CCNYL1: variants seen among roughly 807,000 people sequenced by gnomAD.
CCNYL1 encodes the protein cyclin-Y-like protein 1.
In CCNYL1, 16 loss-of-function variants were observed where a neutral mutation model predicts 44.2. The observed-to-expected ratio is 0.36, with a 90% CI of 0.25 to 0.55. The LOEUF is 0.55. Among genes scored for constraint, CCNYL1 ranks in the 20% least tolerant of loss-of-function variants. The pLI is 0.85. For missense variants in CCNYL1, 348 were observed against 451.8 expected (o/e 0.77, Z 2.08); for synonymous variants, 159 against 163.2 (o/e 0.97, Z 0.20).
In CCNYL1 at chr2:207,755,593, T is replaced by G. The variant is rs2091926419; in HGVS notation, c.*1895T>G. The G allele has an allele frequency of 6.6e-6, 1 of 152,232 alleles. No homozygotes were observed. Among genetic ancestry groups the G allele is most frequent in the African/African-American group, 2.4e-5 (1 of 41,452 alleles). The allele number at this position is 152,232 out of a possible 1,614,324, so 9.4% of individuals were successfully genotyped here. On this transcript the variant is annotated 3_prime_UTR_variant, in exon 10 of 10. Coordinates refer to ENST00000295414, the MANE Select transcript of CCNYL1 (RefSeq NM_001330218.2). ...TTTAAAGGAAGATTTTGAAGAGCAG[T>G]GTTAATTAACATGTAATAAAAGGAA...
At chr2:207,742,900 T>A (rs1415456065) in intron 7 of CCNYL1, among the ~76,000 whole-genome samples, 1 of 152,246 alleles carries the variant, frequency 6.6e-6, no homozygotes, top group Non-Finnish European at 1.5e-5. Flanking sequence ...CTTTGCTGAT[T>A]AGCTTACTAA....
intron 3 of CCNYL1, among the ~76,000 whole-genome samples, chr2:207,729,767 G>T (rs1396622676): frequency 1.3e-5 from 2 of 151,654 alleles, no homozygotes; most frequent in African/African-American, 4.9e-5. Flanking sequence ...GTGCAGTGGC[G>T]TGATCTCAGC....
chr2:207,718,058 C>T (rs962279201), intron 1 of CCNYL1, among the ~76,000 whole-genome samples: 2 of 151,822 alleles, frequency 1.3e-5, no homozygotes, highest in African/African-American at 4.8e-5. Context: ...GCACGTGCCA[C>T]CACACCCGGC....
At chr2:207,720,526 A>C (rs2091633029) in intron 1 of CCNYL1, among the ~76,000 whole-genome samples, 1 of 151,938 alleles carries the variant, frequency 6.6e-6, no homozygotes, top group South Asian at 2.1e-4. Flanking sequence ...CTGCCACTTC[A>C]GCCTCCCAAA....
At chr2:207,743,873 A>T (rs1047441347) in intron 7 of CCNYL1, among the ~76,000 whole-genome samples, 1 of 152,088 alleles carries the variant, frequency 6.6e-6, no homozygotes, top group African/African-American at 2.4e-5. Context: ...GAGTCTAGCT[A>T]TGTTGCCCAG....
At position 207,744,524 on chromosome 2, in the gene CCNYL1, C is replaced by G. The variant is rs111639523; in HGVS notation, c.639+2182C>G. Among the ~76,000 whole-genome samples, 69 of 148,208 alleles carry G rather than the reference C, an allele frequency of 4.7e-4. 1 individual carries two copies. The highest frequency in any genetic ancestry group is 1.7e-3 in the African/African-American group (67 of 38,734). On this transcript the variant is annotated intron_variant, in intron 7 of 9. Coordinates refer to ENST00000295414, the MANE Select transcript of CCNYL1 (RefSeq NM_001330218.2). ...CTGGGCTTACCAGTGCCCGTCACCA[C>G]GCCTAATTTTTTTTTTTTTTTTTTA...
chr2:207,750,664 T>C (rs1199281918), intron 8 of CCNYL1: 7 of 268,410 alleles, frequency 2.6e-5, no homozygotes, highest in Non-Finnish European at 4.9e-5. Context: ...GCGTGAAGTA[T>C]GAATTGTACA....
At chr2:207,733,485 G>A (rs1478002868) in intron 3 of CCNYL1, among the ~76,000 whole-genome samples, 1 of 152,172 alleles carries the variant, frequency 6.6e-6, no homozygotes, top group Non-Finnish European at 1.5e-5. Flanking sequence ...ACTGTCTCCT[G>A]AACTAATACG....
chr2:207,741,455 T>C (rs1233865372), intron 6 of CCNYL1, among the ~76,000 whole-genome samples: 1 of 152,204 alleles, frequency 6.6e-6, no homozygotes, highest in Non-Finnish European at 1.5e-5. Flanking sequence ...TATTTTAAGA[T>C]CCAATTGTTT....
Position 207,732,985 on chromosome 2 carries a change from C to T in CCNYL1, c.331-962C>T, listed in dbSNP as rs375132714. 2.2e-4 allele frequency among the ~76,000 whole-genome samples: 34 copies of T among 152,254 alleles called. 1 individual carries two copies. In the East Asian group the frequency reaches 4.1e-3, roughly 18 times the overall value. On this transcript the variant is annotated intron_variant, in intron 3 of 9. Coordinates refer to ENST00000295414, the MANE Select transcript of CCNYL1 (RefSeq NM_001330218.2). ...ATGAGGAGGAAGAGTCCTTCCTTCC[C>T]TGGAGAAGCTTACTTTCTTGTGAGG...
intron 2 of CCNYL1, among the ~76,000 whole-genome samples, chr2:207,725,445 T>A (rs751640853): frequency 6.6e-6 from 1 of 152,178 alleles, no homozygotes; most frequent in Non-Finnish European, 1.5e-5. Context: ...TGCATATTTC[T>A]CCATACTTCT....
Position 207,711,787 on chromosome 2 carries a change from C to T in CCNYL1, c.-110C>T, listed in dbSNP as rs1360919613. The T allele has an allele frequency of 2.9e-6, 2 of 690,662 alleles. No homozygotes were observed. The highest frequency in any genetic ancestry group is 8.5e-5 in the Admixed American group (2 of 23,446). 42.8% of individuals were successfully genotyped at this position (690,662 alleles called of 1,614,324 possible). On this transcript the variant is annotated 5_prime_UTR_variant, in exon 1 of 10. Coordinates refer to ENST00000295414, the MANE Select transcript of CCNYL1 (RefSeq NM_001330218.2). ...CTTGCGCGGTGCAGCCCCAGCGTAGCCCGGGGCTGCCGGTGCCGGCCGCGC... is the reference window on the plus strand; with the variant it reads ...CTTGCGCGGTGCAGCCCCAGCGTAGTCCGGGGCTGCCGGTGCCGGCCGCGC...
rs1471761805 is a variant in CCNYL1 at position 207,753,961 on chromosome 2, C to A, written c.*263C>A. 5.9e-6 allele frequency: 2 copies of A among 337,546 alleles called. No individual in the cohort carries two copies. The allele number at this position is 337,546 out of a possible 1,614,324, so 20.9% of individuals were successfully genotyped here. A position where few individuals can be genotyped will look rare whatever the true frequency, so the allele number is the denominator to read the frequency against. ...AAAGTGAAGGCTCCCATCCTACACA[C>A]AGATATTTGCTTACTGTGTGGGCCG... On this transcript the variant is annotated 3_prime_UTR_variant, in exon 10 of 10. Coordinates refer to ENST00000295414, the MANE Select transcript of CCNYL1 (RefSeq NM_001330218.2).
chr2:207,741,701 C>T (rs1049538408), intron 6 of CCNYL1, among the ~76,000 whole-genome samples: 2 of 151,732 alleles, frequency 1.3e-5, no homozygotes, highest in African/African-American at 4.8e-5. Context: ...AAAAAATTAG[C>T]CGGACATGTT....
At chr2:207,729,499 T>A (rs2105826707) in intron 3 of CCNYL1, among the ~76,000 whole-genome samples, 1 of 152,282 alleles carries the variant, frequency 6.6e-6, no homozygotes, top group East Asian at 1.9e-4. Context: ...TCACGTGTGA[T>A]AGTCTCTGGC....
At chr2:207,745,885 G>A (rs899397217) in intron 7 of CCNYL1, among the ~76,000 whole-genome samples, 1 of 152,172 alleles carries the variant, frequency 6.6e-6, no homozygotes, top group African/African-American at 2.4e-5. Context: ...AGGTTGCAAT[G>A]AGCCAAGATT....
At chr2:207,752,813 G>A (rs2091903413) in intron 9 of CCNYL1, among the ~76,000 whole-genome samples, 2 of 110,796 alleles carry the variant, frequency 1.8e-5, no homozygotes, top group African/African-American at 5.3e-5. Context: ...GAGGCAGGCG[G>A]GATCACCTGA....
At chr2:207,748,670 C>T (rs1264820448) in intron 8 of CCNYL1, among the ~76,000 whole-genome samples, 2 of 152,162 alleles carry the variant, frequency 1.3e-5, no homozygotes, top group Non-Finnish European at 2.9e-5. Context: ...ATTGCCTTTG[C>T]CCATTACTCC....
chr2:207,747,524 C>T (rs1575223913), intron 8 of CCNYL1, among the ~76,000 whole-genome samples: 1 of 151,996 alleles, frequency 6.6e-6, no homozygotes, highest in African/African-American at 2.4e-5. Context: ...ACCAGAACAA[C>T]ATAGCACAGT....
Sources: allele counts gnomAD v4.1 joint callset (sites outside exome capture counted in the v4.1 genomes callset), GRCh38; gene constraint gnomAD v4.1.1; transcripts MANE v1.5; gene names NCBI Gene and HGNC (gene_info 2026-07-23, HGNC 2026-07-21).